ING5: variants seen among roughly 807,000 people sequenced by gnomAD.
ING5 encodes the protein inhibitor of growth family member 5.
In ING5, 17 loss-of-function variants were observed where a neutral mutation model predicts 37.4. That is an observed-to-expected ratio of 0.45 (90% confidence interval 0.31 to 0.68). The LOEUF is 0.68. Ranked by LOEUF, ING5 falls within the 30% of genes least tolerant of loss-of-function variation. The pLI, the probability that ING5 is intolerant of heterozygous loss-of-function variation, is 0.05. For missense variants in ING5, 233 were observed against 311.9 expected, an observed-to-expected ratio of 0.75 and a Z score of 1.91; for synonymous variants, 123 against 116.6, an observed-to-expected ratio of 1.06 and a Z score of -0.36.
chr2:241,722,752 A>T lies in ING5; in HGVS notation c.483-187A>T, dbSNP rs1055538441. Reference sequence around the variant, plus strand: ...GCATTCATTTCTAAAGGACAATGGGAAAAATGGAAGCAAGCTTATTCATTA... The same window carrying T: ...GCATTCATTTCTAAAGGACAATGGGTAAAATGGAAGCAAGCTTATTCATTA... On this transcript the variant is annotated intron_variant, in intron 5 of 7. Transcript: ENST00000313552. 5 of 985,276 alleles carry T rather than the reference A, an allele frequency of 5.1e-6. No individual in the cohort carries two copies. The African/African-American group carries it at 7.0e-5, about 14-fold the overall frequency. The allele number at this position is 985,276 out of a possible 1,614,324, so 61.0% of individuals were successfully genotyped here.
intron 5 of ING5, among the ~76,000 whole-genome samples, chr2:241,713,762 G>A (rs747418578): frequency 6.6e-6 from 1 of 151,974 alleles, no homozygotes; most frequent in Non-Finnish European, 1.5e-5. Flanking sequence ...GCCAAGGCAG[G>A]TTAATCACCT....
intron 5 of ING5, among the ~76,000 whole-genome samples, chr2:241,718,261 G>A (rs1319135961): frequency 6.6e-6 from 1 of 151,756 alleles, no homozygotes; most frequent in Admixed American, 6.6e-5. Context: ...GATCCGCCCA[G>A]CTCAGCCTCT....
intron 2 of ING5, among the ~76,000 whole-genome samples, chr2:241,693,841 G>A (rs1329493873): frequency 6.6e-6 from 1 of 151,104 alleles, no homozygotes; most frequent in East Asian, 2.0e-4. Flanking sequence ...ATTTTTAGTA[G>A]AGACGGGGTG....
upstream of ING5, among the ~76,000 whole-genome samples, chr2:241,700,744 A>G (rs2069703733): frequency 6.6e-6 from 1 of 151,390 alleles, no homozygotes; most frequent in African/African-American, 2.4e-5. Context: ...TTCCTGCCTC[A>G]GTCTCCGAGT....
Position 241,705,489 on chromosome 2 carries a change from C to T in ING5, c.109+765C>T, listed in dbSNP as rs561675377. Among the ~76,000 whole-genome samples, 3 of 151,022 alleles carry T rather than the reference C, an allele frequency of 2.0e-5. No homozygotes were observed. The South Asian group carries it at 6.4e-4, about 32-fold the overall frequency. ...CTTGGCTCACTGCAACCTCCACCTC[C>T]CGGGTTCAAGTGATTCTCCTGCCTC... On this transcript the variant is annotated intron_variant, in intron 2 of 7. Transcript: ENST00000313552.
chr2:241,704,153 A>G (rs552608191), intron 1 of ING5, among the ~76,000 whole-genome samples: 3 of 152,238 alleles, frequency 2.0e-5, no homozygotes, highest in Non-Finnish European at 2.9e-5. Flanking sequence ...CAGCTTCCGA[A>G]GTGTGCACAC....
chr2:241,687,347 C>T (rs192866985), exon 1 of ING5: 5 of 398,766 alleles, frequency 1.3e-5, no homozygotes, highest in Non-Finnish European at 2.2e-5. Flanking sequence ...TCCCAAAGCT[C>T]ACCTGGAGCC....
intron 5 of ING5, chr2:241,720,106 C>G (rs1182672610): frequency 8.1e-7 from 1 of 1,238,498 alleles, no homozygotes. Context: ...TGCAGGTGGG[C>G]AGACGGGTCA....
At chr2:241,724,254 G>A (rs577877024) in intron 7 of ING5, among the ~76,000 whole-genome samples, 9 of 152,316 alleles carry the variant, frequency 5.9e-5, no homozygotes, top group Non-Finnish European at 1.3e-4. Flanking sequence ...CCGAGCTCAC[G>A]GTGTCATGTG....
chr2:241,721,083 G>A (rs149699410), intron 5 of ING5: 17 of 985,502 alleles, frequency 1.7e-5, no homozygotes, highest in African/African-American at 3.5e-5. Context: ...AATTGGACTC[G>A]GCGCAGAAGA....
intron 2 of ING5, among the ~76,000 whole-genome samples, chr2:241,707,538 C>T (rs1358485788): frequency 6.6e-6 from 1 of 152,104 alleles, no homozygotes; most frequent in East Asian, 1.9e-4. Flanking sequence ...GTTCATCCAC[C>T]CGCCTTGGCC....
intron 5 of ING5, chr2:241,720,147 C>T: frequency 8.1e-7 from 1 of 1,237,442 alleles, no homozygotes; most frequent in Non-Finnish European, 1.0e-6. Context: ...GACCCAAAGC[C>T]TGGCCTGCCG....
chr2:241,726,903 T>G lies in ING5; in HGVS notation c.*1872T>G, dbSNP rs1255794923. 6.6e-6 allele frequency: 1 copy of G among 152,244 alleles called. No individual in the cohort carries two copies. Among genetic ancestry groups the G allele is most frequent in the East Asian group, 1.9e-4 (1 of 5,182 alleles). 9.4% of individuals were successfully genotyped at this position (152,244 alleles called of 1,614,324 possible). On this transcript the variant is annotated 3_prime_UTR_variant, in exon 8 of 8. Transcript: ENST00000313552. ...TCCGCCTCCCGGGTTCACGCCATTC[T>G]CCTGCCTCAGCCCCCCCGAGTAGCT...
chr2:241,710,064 T>C (rs2070059407), intron 3 of ING5, among the ~76,000 whole-genome samples: 1 of 151,912 alleles, frequency 6.6e-6, no homozygotes, highest in African/African-American at 2.4e-5. Context: ...TGCCTCAGTC[T>C]CCCGAGTAGC....
At chr2:241,716,471 T>G (rs1027087199) in intron 5 of ING5, among the ~76,000 whole-genome samples, 10 of 142,264 alleles carry the variant, frequency 7.0e-5, no homozygotes, top group African/African-American at 2.0e-4. Context: ...GTTTTTGTAT[T>G]TTTAGTAGAG....
At chr2:241,704,211 C>T (rs1171600816) in intron 1 of ING5, among the ~76,000 whole-genome samples, 1 of 152,170 alleles carries the variant, frequency 6.6e-6, no homozygotes, top group African/African-American at 2.4e-5. Context: ...AATGAGATCA[C>T]AGTCCTTCCG....
At chr2:241,724,235 G>A (rs755606118) in intron 7 of ING5, among the ~76,000 whole-genome samples, 6 of 152,232 alleles carry the variant, frequency 3.9e-5, no homozygotes, top group Non-Finnish European at 5.9e-5. Context: ...GCCGTGTCTC[G>A]GAGGCTGGCC....
chr2:241,719,801 T>G (rs2070381661), intron 5 of ING5: 1 of 1,438,522 alleles, frequency 7.0e-7, no homozygotes, highest in Non-Finnish European at 9.1e-7. Flanking sequence ...GTCCTGACAG[T>G]GCGCTGACCA....
intron 1 of ING5, among the ~76,000 whole-genome samples, chr2:241,688,629 TTTTA>T (rs1405888668): frequency 6.6e-6 from 1 of 152,192 alleles, no homozygotes; most frequent in Admixed American, 6.5e-5. Flanking sequence ...CTTTTATTGC[TTTTA>T]TTTTATTTGA....
Sources: gnomAD v4.1 joint callset for allele counts (sites outside exome capture counted in the v4.1 genomes callset) on GRCh38, gnomAD v4.1.1 for gene constraint, MANE v1.5 for transcripts, NCBI Gene and HGNC (gene_info 2026-07-23, HGNC 2026-07-21) for gene names.